Variants in CDH12 observed in about 807,000 individuals in gnomAD.
The protein encoded by CDH12 is cadherin-12.
In CDH12, 41 loss-of-function variants were observed where a neutral mutation model predicts 74.1. The ratio of observed to expected loss-of-function variants is 0.55; its 90% CI spans 0.43 to 0.72. The LOEUF (loss-of-function observed/expected upper bound fraction) is 0.72. Ranked by LOEUF, CDH12 falls within the 30% of genes least tolerant of loss-of-function variation. The pLI, the probability that CDH12 is intolerant of heterozygous loss-of-function variation, is 0.00. For missense variants in CDH12, 945 were observed against 977.2 expected, an observed-to-expected ratio of 0.97 and a Z score of 0.44; for synonymous variants, 399 against 355.0, an observed-to-expected ratio of 1.12 and a Z score of -1.39.
At chr5:22,505,735 G>A (rs1043874943) in intron 1 of CDH12, among the ~76,000 whole-genome samples, 2 of 152,032 alleles carry the variant, frequency 1.3e-5, no homozygotes, top group Non-Finnish European at 2.9e-5. Context: ...GCCTCCTCAT[G>A]GCAGTGATAG....
chr5:22,035,090 T>C (rs1016698199), intron 5 of CDH12, among the ~76,000 whole-genome samples: 2 of 152,166 alleles, frequency 1.3e-5, no homozygotes, highest in African/African-American at 4.8e-5. Context: ...GTGTCAATGA[T>C]GTTAAGTGAG....
intron 6 of CDH12, among the ~76,000 whole-genome samples, chr5:21,887,406 AAATT>A (rs1170991339): frequency 3.9e-5 from 6 of 152,296 alleles, no homozygotes; most frequent in African/African-American, 1.4e-4. Flanking sequence ...ACTGAAGGAG[AAATT>A]AATTCTGTCT....
intron 2 of CDH12, among the ~76,000 whole-genome samples, chr5:22,427,087 TAG>T (rs1743970626): frequency 6.6e-6 from 1 of 152,188 alleles, no homozygotes; most frequent in Admixed American, 6.5e-5. Flanking sequence ...TTTCCTCTTT[TAG>T]AGATGGATAT....
chr5:22,285,542 T>G (rs1737097230), intron 3 of CDH12, among the ~76,000 whole-genome samples: 1 of 152,108 alleles, frequency 6.6e-6, no homozygotes, highest in African/African-American at 2.4e-5. Context: ...ATCATGAGAA[T>G]TAAAAATAAA....
At chr5:22,170,133 A>G (rs1172232072) in intron 4 of CDH12, among the ~76,000 whole-genome samples, 1 of 151,900 alleles carries the variant, frequency 6.6e-6, no homozygotes, top group Admixed American at 6.6e-5. Context: ...CAGAAAGCTG[A>G]ATGTCCCTCA....
chr5:21,794,706 T>C (rs1746686185), intron 10 of CDH12, among the ~76,000 whole-genome samples: 1 of 151,772 alleles, frequency 6.6e-6, no homozygotes, highest in African/African-American at 2.4e-5. Context: ...TATAATATAT[T>C]TTTTAGAGGT....
chr5:21,925,150 A>G (rs1360603090), intron 6 of CDH12, among the ~76,000 whole-genome samples: 1 of 152,230 alleles, frequency 6.6e-6, no homozygotes, highest in Non-Finnish European at 1.5e-5. Flanking sequence ...TCCTGAGGCT[A>G]GATCCACATT....
chr5:22,161,711 GA>G (rs1201559306), intron 4 of CDH12, among the ~76,000 whole-genome samples: 1 of 143,076 alleles, frequency 7.0e-6, no homozygotes, highest in South Asian at 2.4e-4. Context: ...AGGAAAGAAG[GA>G]AAAAAGATGG....
At position 21,903,370 on chromosome 5, in the gene CDH12, A is replaced by G. The variant is rs901686101; in HGVS notation, c.527-48580T>C. On this transcript the variant is annotated intron_variant, in intron 6 of 14. Transcript: ENST00000382254. ...AGAAGAGATTGTAAGTACGTTTGAA[A>G]AACGTACGTAAGAAGCATGCAAATA... is the stretch of plus-strand genomic sequence containing the variant. Among the ~76,000 whole-genome samples, 4 of 152,114 alleles carry G rather than the reference A, an allele frequency of 2.6e-5. No individual in the cohort carries two copies. In the East Asian group the frequency reaches 7.7e-4, roughly 29 times the overall value.
intron 3 of CDH12, among the ~76,000 whole-genome samples, chr5:22,381,705 A>C (rs997674675): frequency 6.6e-6 from 1 of 151,990 alleles, no homozygotes; most frequent in African/African-American, 2.4e-5. Context: ...ATGCATAATG[A>C]ATTTAGGGAA....
chr5:21,968,267 T>C (rs1756676875), intron 6 of CDH12, among the ~76,000 whole-genome samples: 1 of 152,210 alleles, frequency 6.6e-6, no homozygotes, highest in African/African-American at 2.4e-5. Flanking sequence ...TGGCAAATGG[T>C]AAATATACAT....
chr5:22,349,325 A>T (rs1287057043), intron 3 of CDH12, among the ~76,000 whole-genome samples: 1 of 152,210 alleles, frequency 6.6e-6, no homozygotes, highest in Non-Finnish European at 1.5e-5. Flanking sequence ...TGCAGGATAA[A>T]AGCATGATAA....
At chr5:22,469,344 C>T (rs1032299173) in intron 2 of CDH12, among the ~76,000 whole-genome samples, 1 of 152,130 alleles carries the variant, frequency 6.6e-6, no homozygotes, top group Non-Finnish European at 1.5e-5. Flanking sequence ...AAAGTGTTGG[C>T]AGGTTGGTTT....
intron 4 of CDH12, among the ~76,000 whole-genome samples, chr5:22,152,681 C>A (rs1416441905): frequency 6.6e-6 from 1 of 152,188 alleles, no homozygotes; most frequent in Non-Finnish European, 1.5e-5. Flanking sequence ...ATATTACTAA[C>A]TATAGTCACC....
chr5:22,098,998 T>A (rs1362716156), intron 4 of CDH12, among the ~76,000 whole-genome samples: 1 of 152,108 alleles, frequency 6.6e-6, no homozygotes, highest in East Asian at 1.9e-4. Flanking sequence ...CCTCAAGGAT[T>A]ATTCAGGCCC....
chr5:21,803,813 T>A (rs1263710504), intron 9 of CDH12, among the ~76,000 whole-genome samples: 4 of 152,152 alleles, frequency 2.6e-5, no homozygotes, highest in Non-Finnish European at 5.9e-5. Flanking sequence ...GTAGTACACC[T>A]GGGGAAAATA....
At chr5:21,919,616 C>T (rs1754261648) in intron 6 of CDH12, among the ~76,000 whole-genome samples, 1 of 152,056 alleles carries the variant, frequency 6.6e-6, no homozygotes, top group South Asian at 2.1e-4. Context: ...TTATTCTGAC[C>T]ATTAGATGTC....
chr5:22,150,245 T>C (rs1747477935), intron 4 of CDH12, among the ~76,000 whole-genome samples: 1 of 152,054 alleles, frequency 6.6e-6, no homozygotes. Context: ...CACTTTTTAA[T>C]ATGACAATTA....
chr5:22,016,273 A>T (rs528921046), intron 5 of CDH12, among the ~76,000 whole-genome samples: 1 of 152,206 alleles, frequency 6.6e-6, no homozygotes, highest in Admixed American at 6.5e-5. Flanking sequence ...TGTACACAGA[A>T]CACTTTTGTG....
Sources: allele counts gnomAD v4.1 joint callset (sites outside exome capture counted in the v4.1 genomes callset), GRCh38; gene constraint gnomAD v4.1.1; transcripts MANE v1.5; gene names NCBI Gene and HGNC (gene_info 2026-07-23, HGNC 2026-07-21).